The following ANKRD52 variants were observed in gnomAD, a reference collection of about 807,000 sequenced individuals.
ANKRD52 encodes the protein ankyrin repeat domain 52.
In ANKRD52, 7 loss-of-function variants were observed where a neutral mutation model predicts 116.0. The observed-to-expected ratio is 0.06, with a 90% CI of 0.03 to 0.11. The LOEUF (loss-of-function observed/expected upper bound fraction) is 0.11. ANKRD52 is among the 10% of genes least tolerant of loss of function. The pLI is 1.00. For missense variants in ANKRD52, 839 were observed against 1,408.6 expected (o/e 0.60, Z 6.47); for synonymous variants, 528 against 578.1 (o/e 0.91, Z 1.24).
chr12:56,251,958 G>T, intron 15 of ANKRD52, 57 bp downstream of exon 15: 1 of 1,567,492 alleles, frequency 6.4e-7, no homozygotes, highest in Non-Finnish European at 8.7e-7. Context: ...GGACAGTAGG[G>T]CCAGAGCTTG....
Position 56,240,452 on chromosome 12 carries a change from G to A in ANKRD52, c.*2690C>T, listed in dbSNP as rs1242415967. ...CAAAAGTGCTTATTACTTGAAGCAA[G>A]TGCTTTAGGGCTGCGGTGGGGAGAG... On this transcript the variant is annotated 3_prime_UTR_variant, in exon 28 of 28. Transcript: ENST00000267116. The surrounding 1 kb of genome is among the most constrained non-coding windows in gnomAD (Gnocchi z 4.2). 6.6e-6 allele frequency: 1 copy of A among 151,972 alleles called. No homozygotes were observed. The allele number at this position is 151,972 out of a possible 1,614,324, so 9.4% of individuals were successfully genotyped here. A position where few individuals can be genotyped will look rare whatever the true frequency, so the allele number is the denominator to read the frequency against.
rs1324270130 is a variant in ANKRD52 at position 56,245,111 on chromosome 12, G to A, written c.2484C>T (p.His828=). The A allele has an allele frequency of 6.2e-7, 1 of 1,614,026 alleles. No homozygotes were observed. The highest frequency in any genetic ancestry group is 8.5e-7 in the Non-Finnish European group (1 of 1,179,880). The change falls in exon 22 of 28, where the codon CAC becomes CAT. Residue 828 remains histidine, a synonymous_variant. Coordinates refer to ENST00000267116, the MANE Select transcript of ANKRD52 (RefSeq NM_173595.4). The stretch of plus-strand genomic sequence containing the variant: ...CAGCAGAAGGGACTTACACTGCACA[G>A]TGCAAAGGAGTGAAGGGGTTTCCTT... ...YLEGNPFTPL[H]CAVINNQDST... is the part of the protein sequence containing the mutation.
intron 20 of ANKRD52, among the ~76,000 whole-genome samples, chr12:56,246,246 T>A: frequency 6.6e-6 from 1 of 151,506 alleles, no homozygotes; most frequent in Non-Finnish European, 1.5e-5. Context: ...GCCAGGCTGG[T>A]CTCAAACTCC....
Position 56,254,415 on chromosome 12 carries a change from T to A in ANKRD52, c.694-136A>T. 1 of 1,429,496 alleles carries A rather than the reference T, an allele frequency of 7.0e-7. No individual in the cohort carries two copies. Among genetic ancestry groups the A allele is most frequent in the Non-Finnish European group, 9.5e-7 (1 of 1,050,880 alleles). The allele number at this position is 1,429,496 out of a possible 1,614,324, so 88.6% of individuals were successfully genotyped here. On this transcript the variant is annotated intron_variant, in intron 7 of 27. Transcript: ENST00000267116. This position sits in a 1 kb window ranked among gnomAD's most constrained non-coding sequence, Gnocchi z 4.6. ...TTTATGACCCAAGGTACTAAGGTACTAAGGGCACTATGGCTAAGGTAAGCA... is the reference window on the plus strand; with the variant it reads ...TTTATGACCCAAGGTACTAAGGTACAAAGGGCACTATGGCTAAGGTAAGCA...
rs1477308723 is a variant in ANKRD52 at position 56,243,046 on chromosome 12, C to T, written c.*96G>A. Reference sequence around the variant, plus strand: ...TTCCCCTCCGCCCCCTCCACCCAGTCGTGTTCTCCTTTAAAGTGCCCTAAA... The same window carrying T: ...TTCCCCTCCGCCCCCTCCACCCAGTTGTGTTCTCCTTTAAAGTGCCCTAAA... On this transcript the variant is annotated 3_prime_UTR_variant, in exon 28 of 28. Coordinates refer to ENST00000267116, the MANE Select transcript of ANKRD52 (RefSeq NM_173595.4). The surrounding 1 kb of genome is among the most constrained non-coding windows in gnomAD (Gnocchi z 4.6). 2.8e-6 allele frequency: 4 copies of T among 1,425,550 alleles called. No homozygotes were observed. The highest frequency in any genetic ancestry group is 3.7e-6 in the Non-Finnish European group (4 of 1,082,016). 88.3% of individuals were successfully genotyped at this position (1,425,550 alleles called of 1,614,324 possible). A position where few individuals can be genotyped will look rare whatever the true frequency, so the allele number is the denominator to read the frequency against.
chr12:56,255,225 C>G lies in ANKRD52; in HGVS notation c.463-273G>C. 6.0e-6 allele frequency: 2 copies of G among 334,506 alleles called. No individual in the cohort carries two copies. The highest frequency in any genetic ancestry group is 1.1e-5 in the Non-Finnish European group (2 of 182,552). The allele number at this position is 334,506 out of a possible 1,614,324, so 20.7% of individuals were successfully genotyped here. A position where few individuals can be genotyped will look rare whatever the true frequency, so the allele number is the denominator to read the frequency against. ...TTTTTTTTTTTGAGACAGTCTCGCT[C>G]TGTTACCCAGGCTGGAGTTCAGTGG... On this transcript the variant is annotated intron_variant, in intron 5 of 27. Coordinates refer to ENST00000267116, the MANE Select transcript of ANKRD52 (RefSeq NM_173595.4). The surrounding 1 kb of genome is among the most constrained non-coding windows in gnomAD (Gnocchi z 4.3).
chr12:56,251,389 C>T (rs180799302), intron 15 of ANKRD52, among the ~76,000 whole-genome samples: 5 of 151,690 alleles, frequency 3.3e-5, no homozygotes, highest in East Asian at 1.9e-4. Flanking sequence ...GGATTATAGG[C>T]GTGTGCCACC....
At position 56,258,254 on chromosome 12, in the gene ANKRD52, T is replaced by G. The variant is rs2135896640; in HGVS notation, c.16A>C (p.Ile6Leu). The G allele has an allele frequency of 6.3e-7, 1 of 1,599,780 alleles. No homozygotes were observed. The highest frequency in any genetic ancestry group is 8.5e-7 in the Non-Finnish European group (1 of 1,174,606). MGILS[I>L]TDQPPLVQAI... ...GCAGGAGGGCTGACCTGGTCCGTGA[T>G]GCTGAGGATCCCCATGGCTCGGCCC... Residue 6 changes from isoleucine (I) to leucine (L), a missense_variant, in exon 1 of 28, where the codon ATC becomes CTC. Around this residue, in one of 2 missense-constraint regions of ANKRD52, gnomAD observed 287 missense variants for 598.1 expected, o/e 0.48. Transcript: ENST00000267116.
chr12:56,245,875 C>T (rs545190301), intron 20 of ANKRD52, among the ~76,000 whole-genome samples: 6 of 150,176 alleles, frequency 4.0e-5, no homozygotes, highest in East Asian at 4.0e-4. Context: ...CCACCATGCC[C>T]GGCCAATTTT....
rs545352425 is a variant in ANKRD52, at chr12:56,252,073, T to A, written c.1534A>T (p.Ser512Cys). 3.1e-6 allele frequency: 5 copies of A among 1,613,914 alleles called. No individual in the cohort carries two copies. The African/African-American group carries it at 6.7e-5, about 22-fold the overall frequency. Reference sequence around the variant, plus strand: ...GGCTCGTCCTCTTCGGCATCATGGCTGGAAGGTGTATGGGGTTCCGCTCTG... The same window carrying A: ...GGCTCGTCCTCTTCGGCATCATGGCAGGAAGGTGTATGGGGTTCCGCTCTG... ...YRRAEPHTPS[S>C]HDAEEDEPLK... The change falls in exon 15 of 28, where the codon AGC (serine) becomes TGC (cysteine). Residue 512 changes from serine to cysteine, a missense_variant. Physicochemically the swap from Ser to Cys is moderately radical, Grantham distance 112. Coordinates refer to ENST00000267116, the MANE Select transcript of ANKRD52 (RefSeq NM_173595.4). The surrounding 1 kb of genome is among the most constrained non-coding windows in gnomAD (Gnocchi z 4.7).
In ANKRD52 at chr12:56,254,849, G is replaced by A. The variant is rs371454148; in HGVS notation, c.550+16C>T. 80 of 1,610,026 alleles carry A rather than the reference G, an allele frequency of 5.0e-5. No individual in the cohort carries two copies. The African/African-American group carries it at 6.8e-4, about 14-fold the overall frequency. Reference sequence around the variant, plus strand: ...TAAATGTCAAATTTCTGATTTTCCCGTGTATTCTCTCTCACCTAGAAAAGC... The same window carrying A: ...TAAATGTCAAATTTCTGATTTTCCCATGTATTCTCTCTCACCTAGAAAAGC... On this transcript the variant is annotated intron_variant, in intron 6 of 27. Coordinates refer to ENST00000267116, the MANE Select transcript of ANKRD52 (RefSeq NM_173595.4). The surrounding 1 kb of genome is among the most constrained non-coding windows in gnomAD (Gnocchi z 4.6).
Position 56,239,862 on chromosome 12 carries a change from A to G in ANKRD52, c.*3280T>C. The G allele has an allele frequency of 6.6e-6, 1 of 152,468 alleles. No individual in the cohort carries two copies. Among genetic ancestry groups the G allele is most frequent in the Non-Finnish European group, 1.5e-5 (1 of 68,128 alleles). The allele number at this position is 152,468 out of a possible 1,614,324, so 9.4% of individuals were successfully genotyped here. A position where few individuals can be genotyped will look rare whatever the true frequency, so the allele number is the denominator to read the frequency against. On this transcript the variant is annotated 3_prime_UTR_variant, in exon 28 of 28. Transcript: ENST00000267116. ...TCCTTTGGTTACATATTGAAGGCAA[A>G]GGTGAGCTGGACTTACAGTCAAAAC...
At chr12:56,250,707 G>A (rs1210176868) in intron 15 of ANKRD52, among the ~76,000 whole-genome samples, 3 of 144,600 alleles carry the variant, frequency 2.1e-5, no homozygotes, top group Non-Finnish European at 4.5e-5. Context: ...AACACAGAGA[G>A]ATCCCTGACC....
At chr12:56,251,572 C>T (rs1871694143) in intron 15 of ANKRD52, among the ~76,000 whole-genome samples, 2 of 151,998 alleles carry the variant, frequency 1.3e-5, no homozygotes, top group African/African-American at 4.8e-5. Context: ...GTATCTAGCA[C>T]AGTACTTGGA....
In ANKRD52 at chr12:56,243,676, G is replaced by A. The variant is rs542238611; in HGVS notation, c.2980+109C>T. ...TGGTGTGGGCTCCCTGCTCTGAAGA[G>A]TTCCCTTGGGAAGAAAATCCCATGT... On this transcript the variant is annotated intron_variant, in intron 27 of 27. Transcript: ENST00000267116. This position sits in a 1 kb window ranked among gnomAD's most constrained non-coding sequence, Gnocchi z 4.6. 8 of 1,229,754 alleles carry A rather than the reference G, an allele frequency of 6.5e-6. No homozygotes were observed. In the Admixed American group the frequency reaches 6.7e-5, roughly 10 times the overall value. The allele number at this position is 1,229,754 out of a possible 1,614,324, so 76.2% of individuals were successfully genotyped here. A position where few individuals can be genotyped will look rare whatever the true frequency, so the allele number is the denominator to read the frequency against.
Position 56,253,200 on chromosome 12 carries a change from T to C in ANKRD52, c.1100+88A>G. On this transcript the variant is annotated intron_variant, in intron 10 of 27. Coordinates refer to ENST00000267116, the MANE Select transcript of ANKRD52 (RefSeq NM_173595.4). This position sits in a 1 kb window ranked among gnomAD's most constrained non-coding sequence, Gnocchi z 5.5. Reference sequence around the variant, plus strand: ...GTAGGAGGTTCTCCAAGGTGCCCTTTGGCAAGCTTATCTGTGCCTCCATGG... The same window carrying C: ...GTAGGAGGTTCTCCAAGGTGCCCTTCGGCAAGCTTATCTGTGCCTCCATGG... 1 of 1,489,068 alleles carries C rather than the reference T, an allele frequency of 6.7e-7. No homozygotes were observed. The highest frequency in any genetic ancestry group is 9.2e-7 in the Non-Finnish European group (1 of 1,086,426). 92.2% of individuals were successfully genotyped at this position (1,489,068 alleles called of 1,614,324 possible). A position where few individuals can be genotyped will look rare whatever the true frequency, so the allele number is the denominator to read the frequency against.
chr12:56,238,722 A>C lies in ANKRD52; in HGVS notation c.*4420T>G. ...CCCTTCCCAAACCCCTGCCAAACCCACTCAAGCCAGAACCCACCCCCACCC... is the reference window on the plus strand; with the variant it reads ...CCCTTCCCAAACCCCTGCCAAACCCCCTCAAGCCAGAACCCACCCCCACCC... On this transcript the variant is annotated 3_prime_UTR_variant, in exon 28 of 28. Transcript: ENST00000267116. 1 of 150,890 alleles carries C rather than the reference A, an allele frequency of 6.6e-6. No individual in the cohort carries two copies. Among genetic ancestry groups the C allele is most frequent in the Non-Finnish European group, 1.5e-5 (1 of 67,820 alleles). 9.3% of individuals were successfully genotyped at this position (150,890 alleles called of 1,614,324 possible).
chr12:56,251,659 CAAG>C lies in ANKRD52; in HGVS notation c.1592+353_1592+355del, dbSNP rs1871697219. Among the ~76,000 whole-genome samples, 3 of 148,994 alleles carry C rather than the reference CAAG, an allele frequency of 2.0e-5. No individual in the cohort carries two copies. The South Asian group carries it at 6.3e-4, about 31-fold the overall frequency. On this transcript the variant is annotated intron_variant, in intron 15 of 27. Coordinates refer to ENST00000267116, the MANE Select transcript of ANKRD52 (RefSeq NM_173595.4). ...GTACATTTAGCTTTTCTAATCCTCT[CAAG>C]AAGACCAGCCGGGCGCGGTGAGCTG... is the stretch of plus-strand genomic sequence containing the variant.
chr12:56,258,143 C>A (rs919330193), intron 1 of ANKRD52, 100 bp downstream of exon 1: 3 of 1,530,778 alleles, frequency 2.0e-6, no homozygotes, highest in African/African-American at 2.8e-5. Context: ...GCTGCGGGAG[C>A]CCCGGGCTCA....
Sources: gnomAD v4.1 joint callset for allele counts (sites outside exome capture counted in the v4.1 genomes callset) on GRCh38, gnomAD v4.1.1 for gene constraint, gnomAD v4.1.1 regional missense constraint, Gnocchi (gnomAD v3.1) non-coding constraint, MANE v1.5 for transcripts, NCBI Gene and HGNC (gene_info 2026-07-23, HGNC 2026-07-21) for gene names.